The following ADGRG6 variants were observed in gnomAD, a reference collection of about 807,000 sequenced individuals.
ADGRG6 encodes the protein adhesion G protein-coupled receptor G6, also known as G-protein coupled receptor 126.
Under a neutral mutation model 142.4 loss-of-function variants are expected in ADGRG6, and 84 were observed. That is an observed-to-expected ratio of 0.59 (90% CI 0.49 to 0.71). The LOEUF (loss-of-function observed/expected upper bound fraction) is 0.71, where lower values mean the gene tolerates loss of function less well. ADGRG6 is among the 30% of genes least tolerant of loss of function. The pLI, the probability that ADGRG6 is intolerant of heterozygous loss-of-function variation, is 0.00. For synonymous variants in ADGRG6, 521 were observed against 520.5 expected, an observed-to-expected ratio of 1.00 and a Z score of -0.01; for missense variants, 1,367 against 1,466.6, an observed-to-expected ratio of 0.93 and a Z score of 1.11.
In ADGRG6 at chr6:142,411,251, A is replaced by T. The variant is rs1776065173; in HGVS notation, c.2435-54A>T. On this transcript the variant is annotated intron_variant, in intron 17 of 24. Transcript: ENST00000367609. ...TTCTCTATAGAAGGTCTCATCCATT[A>T]TAGAGAAGAAACTGACCTGCTGTTT... 1.3e-5 allele frequency: 12 copies of T among 930,748 alleles called. No individual in the cohort carries two copies. The Admixed American group carries it at 1.9e-4, about 14-fold the overall frequency. The allele number at this position is 930,748 out of a possible 1,614,324, so 57.7% of individuals were successfully genotyped here.
intron 14 of ADGRG6, chr6:142,405,417 A>T: frequency 1.8e-6 from 1 of 542,066 alleles, no homozygotes; most frequent in Non-Finnish European, 3.5e-6. Context: ...ATACTTGAAA[A>T]TGTTGACTGA....
Position 142,415,793 on chromosome 6 carries a change from T to A in ADGRG6, c.2670-3T>A, listed in dbSNP as rs1776318608. On this transcript the variant is annotated splice_region_variant and splice_polypyrimidine_tract_variant and intron_variant, in intron 19 of 24. Transcript: ENST00000367609. ...CTCATAGATTCCTTTTTTCATTTTT[T>A]AGGAAATTGCGAAGGGATTATCCCT... 6.2e-7 allele frequency: 1 copy of A among 1,605,610 alleles called. No individual in the cohort carries two copies. Among genetic ancestry groups the A allele is most frequent in the Non-Finnish European group, 8.5e-7 (1 of 1,173,574 alleles).
At position 142,405,721 on chromosome 6, in the gene ADGRG6, G is replaced by T; in HGVS notation, c.2161G>T (p.Ala721Ser). ...DFESGQVDPL[A>S]SVILPPNLLE... ...TGAGAGTGGACAAGTGGATCCACTG[G>T]CATCTGTAATTTTGCCTCCAAACTT... The change falls in exon 15 of 25, where the codon GCA (alanine) becomes TCA (serine). Residue 721 changes from alanine (A) to serine (S), a missense_variant. By Grantham distance (99) the Ala-to-Ser change is moderately conservative. Transcript: ENST00000367609. 2.5e-6 allele frequency: 4 copies of T among 1,607,260 alleles called. No individual in the cohort carries two copies. The highest frequency in any genetic ancestry group is 1.1e-5 in the South Asian group (1 of 90,650).
chr6:142,426,365 A>G (rs1201411503), intron 22 of ADGRG6, among the ~76,000 whole-genome samples: 1 of 152,210 alleles, frequency 6.6e-6, no homozygotes, highest in Non-Finnish European at 1.5e-5. Context: ...AGAATCCAGC[A>G]GGGCAGTCAA....
chr6:142,324,621 T>C (rs1030738341), intron 2 of ADGRG6, among the ~76,000 whole-genome samples: 5 of 152,076 alleles, frequency 3.3e-5, no homozygotes, highest in African/African-American at 1.2e-4. Context: ...AATTATCAGG[T>C]ATGTGTGTAC....
chr6:142,343,606 A>T (rs1583011728), intron 2 of ADGRG6, among the ~76,000 whole-genome samples: 1 of 152,046 alleles, frequency 6.6e-6, no homozygotes, highest in East Asian at 1.9e-4. Flanking sequence ...TACATTTTAA[A>T]TTACATATTT....
At chr6:142,403,302 T>C (rs1329707) in intron 13 of ADGRG6, among the ~76,000 whole-genome samples, 31,121 of 152,008 alleles carry the variant, frequency 0.2, 3,236 homozygotes, top group African/African-American at 0.24. Context: ...ATTTAATGTA[T>C]TAATATTAAA....
chr6:142,368,431 T>C (rs1781057263), intron 3 of ADGRG6, among the ~76,000 whole-genome samples: 1 of 152,156 alleles, frequency 6.6e-6, no homozygotes, highest in Admixed American at 6.5e-5. Context: ...ATATTTTTAT[T>C]AAATATGTTT....
chr6:142,383,719 T>A lies in ADGRG6; in HGVS notation c.1139-41T>A, dbSNP rs144859985. The stretch of plus-strand genomic sequence containing the variant: ...TTGCTTATCCAAATTAACTGTCATG[T>A]GCTCTTTGCAAAATTACATCTTTCT... On this transcript the variant is annotated intron_variant, in intron 5 of 24. Coordinates refer to ENST00000367609, the MANE Select transcript of ADGRG6 (RefSeq NM_198569.3). 1.6e-4 allele frequency: 145 copies of A among 932,456 alleles called. No homozygotes were observed. The East Asian group carries it at 2.8e-3, about 18-fold the overall frequency. 57.8% of individuals were successfully genotyped at this position (932,456 alleles called of 1,614,324 possible).
At chr6:142,343,856 C>T (rs1388137347) in intron 2 of ADGRG6, among the ~76,000 whole-genome samples, 2 of 151,832 alleles carry the variant, frequency 1.3e-5, no homozygotes, top group African/African-American at 4.8e-5. Context: ...GTGGGCATTC[C>T]TCAATTTGTA....
At chr6:142,303,790 G>A (rs562589792) in intron 1 of ADGRG6, among the ~76,000 whole-genome samples, 72 of 152,090 alleles carry the variant, frequency 4.7e-4, no homozygotes, top group Non-Finnish European at 8.5e-4. Flanking sequence ...ACACATGAAA[G>A]TATAAATACC....
At chr6:142,406,461 AAAT>A (rs1258811244) in intron 15 of ADGRG6, among the ~76,000 whole-genome samples, 1 of 152,216 alleles carries the variant, frequency 6.6e-6, no homozygotes, top group Non-Finnish European at 1.5e-5. Flanking sequence ...CCTTTTTAAA[AAAT>A]AAAACTTATC....
rs1248279169 is a variant in ADGRG6, at chr6:142,385,246, G to A, written c.1222+1403G>A. On this transcript the variant is annotated intron_variant, in intron 6 of 24. Transcript: ENST00000367609. ...CCTTGTTTAGGCCATCTCTCTCTGC[G>A]TCATAACCTTCATTGGAGTTTTAAC... 2.6e-5 allele frequency among the ~76,000 whole-genome samples: 4 copies of A among 152,076 alleles called. No individual in the cohort carries two copies. In the South Asian group the frequency reaches 6.2e-4, roughly 24 times the overall value.
intron 16 of ADGRG6, among the ~76,000 whole-genome samples, chr6:142,409,539 G>A (rs1775979579): frequency 6.6e-6 from 1 of 152,152 alleles, no homozygotes; most frequent in African/African-American, 2.4e-5. Context: ...ACATAAAGGA[G>A]AATTTTGAAG....
At chr6:142,319,247 T>G (rs528439032) in intron 2 of ADGRG6, among the ~76,000 whole-genome samples, 1 of 152,240 alleles carries the variant, frequency 6.6e-6, no homozygotes, top group African/African-American at 2.4e-5. Context: ...TAGTTGTGAC[T>G]GAGGGTTGGT....
At chr6:142,335,845 T>C (rs1385085045) in intron 2 of ADGRG6, among the ~76,000 whole-genome samples, 3 of 152,122 alleles carry the variant, frequency 2.0e-5, no homozygotes, top group African/African-American at 7.2e-5. Flanking sequence ...GAATATTTCT[T>C]GGAATCTGAG....
intron 22 of ADGRG6, among the ~76,000 whole-genome samples, chr6:142,428,056 A>G (rs983018501): frequency 4.6e-4 from 70 of 152,082 alleles, no homozygotes; most frequent in African/African-American, 1.4e-3. Flanking sequence ...ACATTTGTTT[A>G]TTTCTTCAAA....
chr6:142,376,733 CTCTT>C (rs1485101455), intron 4 of ADGRG6, among the ~76,000 whole-genome samples: 3 of 152,082 alleles, frequency 2.0e-5, no homozygotes, highest in African/African-American at 7.2e-5. Context: ...GATGCCCAAA[CTCTT>C]TATGAACATA....
At chr6:142,419,695 T>TA in intron 21 of ADGRG6, 126 bp from the exon 22 acceptor site, 1 of 666,756 alleles carries the variant, frequency 1.5e-6, no homozygotes, top group Non-Finnish European at 2.5e-6. Flanking sequence ...TCCAAGGAAG[T>TA]AAAGTGGCTT....
Sources: allele counts gnomAD v4.1 joint callset (sites outside exome capture counted in the v4.1 genomes callset), GRCh38; gene constraint gnomAD v4.1.1; transcripts MANE v1.5; gene names NCBI Gene and HGNC (gene_info 2026-07-23, HGNC 2026-07-21).